The following SRGAP3 variants were observed in gnomAD, a reference collection of about 807,000 sequenced individuals.
SRGAP3 encodes the protein SLIT-ROBO Rho GTPase activating protein 3, also known as SLIT-ROBO Rho GTPase-activating protein 3.
In SRGAP3, 39 loss-of-function variants were observed where a neutral mutation model predicts 121.1. The observed-to-expected ratio is 0.32, with a 90% confidence interval of 0.25 to 0.42. The LOEUF is 0.42. Ranked by LOEUF, SRGAP3 falls within the 10% of genes least tolerant of loss-of-function variation. The probability of loss-of-function intolerance (pLI) is 1.00; values close to 1 mark genes in which losing one functional copy is unlikely to be tolerated. For synonymous variants in SRGAP3, 601 were observed against 570.0 expected, an observed-to-expected ratio of 1.05 and a Z score of -0.77; for missense variants, 1,213 against 1,470.6, an observed-to-expected ratio of 0.82 and a Z score of 2.86.
chr3:9,341,156 A>G (rs935738213), intron 1 of SRGAP3, among the ~76,000 whole-genome samples: 1 of 152,150 alleles, frequency 6.6e-6, no homozygotes, highest in Admixed American at 6.5e-5. Context: ...TTACTTCCTA[A>G]ACACCCTCGC....
Position 9,249,125 on chromosome 3 carries a change from G to C in SRGAP3, c.-174C>G. On this transcript the variant is annotated 5_prime_UTR_variant, in exon 1 of 22. Coordinates refer to ENST00000383836, the MANE Select transcript of SRGAP3 (RefSeq NM_014850.4). ...AGAAAAATCCTTCTCCTTCTGGAAG[G>C]AAAAATCTCTTTACTTGCCGAGAAA... 1 of 694,982 alleles carries C rather than the reference G, an allele frequency of 1.4e-6. No individual in the cohort carries two copies. The highest frequency in any genetic ancestry group is 1.7e-5 in the South Asian group (1 of 59,472). The allele number at this position is 694,982 out of a possible 1,614,324, so 43.1% of individuals were successfully genotyped here.
At chr3:9,156,702 T>A (rs145238710) in intron 1 of SRGAP3, among the ~76,000 whole-genome samples, 1 of 152,294 alleles carries the variant, frequency 6.6e-6, no homozygotes, top group East Asian at 1.9e-4. Context: ...TCATTTGGTC[T>A]TGTCACTAAA....
Position 9,013,376 on chromosome 3 carries a change from G to A in SRGAP3, c.2079C>T (p.Ile693=). 1 of 1,614,146 alleles carries A rather than the reference G, an allele frequency of 6.2e-7. No individual in the cohort carries two copies. Among genetic ancestry groups the A allele is most frequent in the South Asian group, 1.1e-5 (1 of 91,080 alleles). Residue 693 remains isoleucine, a synonymous_variant, in exon 17 of 22, where the codon ATC becomes ATT. Transcript: ENST00000383836. Reference sequence around the variant, plus strand: ...CCTCTAGCTCCCGGGGGCTGGGGAAGATGGCTTCATGATGGATGATGATGG... The same window carrying A: ...CCTCTAGCTCCCGGGGGCTGGGGAAAATGGCTTCATGATGGATGATGATGG... The part of the protein sequence containing the change: ...IKTIIIHHEA[I]FPSPRELEGP...
Position 9,110,481 on chromosome 3 carries a change from AG to A in SRGAP3, c.261-5640del, listed in dbSNP as rs1320275464. 4.6e-5 allele frequency among the ~76,000 whole-genome samples: 7 copies of A among 152,362 alleles called. No homozygotes were observed. In the South Asian group the frequency reaches 6.2e-4, roughly 14 times the overall value. ...AAATGCTGTGGCCACATGGCAGAAG[AG>A]GTCAATCCCCGGGAAGCATGGCAAG... On this transcript the variant is annotated intron_variant, in intron 2 of 21. Coordinates refer to ENST00000383836, the MANE Select transcript of SRGAP3 (RefSeq NM_014850.4).
At chr3:9,142,333 C>A (rs946931774) in intron 1 of SRGAP3, among the ~76,000 whole-genome samples, 3 of 152,190 alleles carry the variant, frequency 2.0e-5, no homozygotes, top group African/African-American at 7.2e-5. Context: ...CATTCACTAA[C>A]TGTAATATTC....
intron 3 of SRGAP3, among the ~76,000 whole-genome samples, chr3:9,100,070 A>G (rs1421532856): frequency 6.6e-6 from 1 of 152,234 alleles, no homozygotes; most frequent in African/African-American, 2.4e-5. Context: ...AGAGAAACAC[A>G]AAATCGTGAT....
intron 3 of SRGAP3, among the ~76,000 whole-genome samples, chr3:9,262,967 G>T (rs955279558): frequency 6.6e-6 from 1 of 152,030 alleles, no homozygotes; most frequent in Non-Finnish European, 1.5e-5. Flanking sequence ...CCACATAATT[G>T]GAAGTAAAAC....
chr3:9,251,350 G>A (rs1235520739), upstream of SRGAP3, among the ~76,000 whole-genome samples: 1 of 152,134 alleles, frequency 6.6e-6, no homozygotes, highest in African/African-American at 2.4e-5. Flanking sequence ...TCACCCCACT[G>A]CCTCACGCCT....
At chr3:9,066,228 G>A (rs1329918799) in intron 4 of SRGAP3, among the ~76,000 whole-genome samples, 1 of 152,156 alleles carries the variant, frequency 6.6e-6, no homozygotes, top group East Asian at 1.9e-4. Context: ...CTTTTCTTCT[G>A]CAATGCCAAG....
At chr3:9,078,464 C>A (rs945374486) in intron 4 of SRGAP3, among the ~76,000 whole-genome samples, 2 of 152,110 alleles carry the variant, frequency 1.3e-5, no homozygotes, top group Non-Finnish European at 2.9e-5. Flanking sequence ...CTTCCCCCCA[C>A]CGTGAGTATG....
intron 9 of SRGAP3, among the ~76,000 whole-genome samples, chr3:9,049,958 G>C (rs1173307914): frequency 6.6e-6 from 1 of 152,000 alleles, no homozygotes; most frequent in Non-Finnish European, 1.5e-5. Context: ...TGGGACCTCA[G>C]CCTCCCAAGT....
At chr3:9,075,243 T>A (rs1328920669) in intron 4 of SRGAP3, among the ~76,000 whole-genome samples, 1 of 151,728 alleles carries the variant, frequency 6.6e-6, no homozygotes, top group Non-Finnish European at 1.5e-5. Flanking sequence ...CTGATGGGAG[T>A]TCGAGGGAAA....
At chr3:9,167,206 C>T (rs1367418213) in intron 1 of SRGAP3, among the ~76,000 whole-genome samples, 3 of 152,114 alleles carry the variant, frequency 2.0e-5, no homozygotes, top group Non-Finnish European at 4.4e-5. Context: ...CCTGCAGTGG[C>T]TTTTTCAGCC....
intron 1 of SRGAP3, among the ~76,000 whole-genome samples, chr3:9,343,241 T>C (rs1161800743): frequency 6.6e-6 from 1 of 152,222 alleles, no homozygotes; most frequent in Non-Finnish European, 1.5e-5. Context: ...TTTAAGGATA[T>C]GGAAGAATCA....
intron 18 of SRGAP3, among the ~76,000 whole-genome samples, chr3:8,997,915 C>CT (rs1449181062): frequency 2.0e-5 from 3 of 151,046 alleles, no homozygotes; most frequent in Non-Finnish European, 4.4e-5. Context: ...GGGTCTCACT[C>CT]TGTCACCCAG....
At chr3:9,137,402 T>C (rs1949704558) in intron 1 of SRGAP3, among the ~76,000 whole-genome samples, 1 of 152,118 alleles carries the variant, frequency 6.6e-6, no homozygotes, top group South Asian at 2.1e-4. Context: ...CAGTGCTGGG[T>C]GAAGTGACTG....
intron 2 of SRGAP3, among the ~76,000 whole-genome samples, chr3:9,328,392 A>G (rs1253929409): frequency 6.6e-6 from 1 of 152,204 alleles, no homozygotes; most frequent in Non-Finnish European, 1.5e-5. Flanking sequence ...TTGGAAGAGC[A>G]GGGCCAGGAA....
intron 1 of SRGAP3, among the ~76,000 whole-genome samples, chr3:9,133,355 A>T (rs1949530209): frequency 6.6e-6 from 1 of 152,112 alleles, no homozygotes; most frequent in African/African-American, 2.4e-5. Flanking sequence ...ATGGTGGCGC[A>T]CACCTGTAAT....
In SRGAP3 at chr3:8,990,866, C is replaced by T. The variant is rs892886824; in HGVS notation, c.2559-27G>A. On this transcript the variant is annotated intron_variant, in intron 20 of 21. Coordinates refer to ENST00000383836, the MANE Select transcript of SRGAP3 (RefSeq NM_014850.4). ...TGCAAAGGAGCCAGGGGGCGAGGGGCATGGGGCAGAGGTCAAGCCTGGCAA... is the reference window on the plus strand; with the variant it reads ...TGCAAAGGAGCCAGGGGGCGAGGGGTATGGGGCAGAGGTCAAGCCTGGCAA... The T allele has an allele frequency of 2.7e-6, 4 of 1,485,014 alleles. No individual in the cohort carries two copies. In the African/African-American group the frequency reaches 5.6e-5, roughly 21 times the overall value. The allele number at this position is 1,485,014 out of a possible 1,614,324, so 92.0% of individuals were successfully genotyped here.
Sources: allele counts gnomAD v4.1 joint callset (sites outside exome capture counted in the v4.1 genomes callset), GRCh38; gene constraint gnomAD v4.1.1; transcripts MANE v1.5; gene names NCBI Gene and HGNC (gene_info 2026-07-23, HGNC 2026-07-21).